Variants in LDB2 observed in about 807,000 individuals in gnomAD.
LDB2 encodes LIM domain binding 2.
LDB2 carries 12 observed loss-of-function variants against 44.3 expected under a neutral mutation model. The ratio of observed to expected loss-of-function variants is 0.27; its 90% confidence interval spans 0.17 to 0.44. LDB2 has a LOEUF of 0.44. Among genes scored for constraint, LDB2 ranks in the 20% least tolerant of loss-of-function variants. The pLI, the probability that LDB2 is intolerant of heterozygous loss-of-function variation, is 1.00. For synonymous variants in LDB2, 164 were observed against 174.8 expected, an observed-to-expected ratio of 0.94 and a Z score of 0.49; for missense variants, 344 against 473.5, an observed-to-expected ratio of 0.73 and a Z score of 2.54.
rs545266215 is a variant in LDB2, at chr4:16,767,897, A to C, written c.133-8637T>G. Among the ~76,000 whole-genome samples the C allele has an allele frequency of 2.0e-5, 3 of 152,328 alleles. No individual in the cohort carries two copies. The East Asian group carries it at 5.8e-4, about 29-fold the overall frequency. ...GATGAGACACACAGTCATGTCAAAT[A>C]GCAGAAGAGAGTCTTAATTATGTTT... On this transcript the variant is annotated intron_variant, in intron 1 of 7. Transcript: ENST00000304523.
At chr4:16,605,670 A>G (rs1723731513) in intron 2 of LDB2, among the ~76,000 whole-genome samples, 1 of 152,232 alleles carries the variant, frequency 6.6e-6, no homozygotes, top group Non-Finnish European at 1.5e-5. Flanking sequence ...TCAACAGAAT[A>G]GATGTCAAGA....
rs146183114 is a variant in LDB2 at position 16,575,642 on chromosome 4, C to T, written c.615+10280G>A. On this transcript the variant is annotated intron_variant, in intron 5 of 7. Coordinates refer to ENST00000304523, the MANE Select transcript of LDB2 (RefSeq NM_001290.5). ...CAGTGGAATAAAACTGGAAATCAAT[C>T]ACAAGAGGAATTTTGGAAACTATAC... 4.1e-3 allele frequency among the ~76,000 whole-genome samples: 623 copies of T among 152,326 alleles called. 5 individuals carry two copies. The highest frequency in any genetic ancestry group is 0.014 in the African/African-American group (597 of 41,568).
chr4:16,699,587 G>A (rs1293771963), intron 2 of LDB2, among the ~76,000 whole-genome samples: 1 of 152,146 alleles, frequency 6.6e-6, no homozygotes, highest in Non-Finnish European at 1.5e-5. Context: ...GTGAGGTGGA[G>A]AAGTATATAG....
chr4:16,777,005 C>T (rs889645483), intron 1 of LDB2, among the ~76,000 whole-genome samples: 1 of 152,192 alleles, frequency 6.6e-6, no homozygotes. Flanking sequence ...CCAAAAATGT[C>T]TCCAGACATT....
chr4:16,641,682 C>T (rs983555121), intron 2 of LDB2, among the ~76,000 whole-genome samples: 11 of 152,138 alleles, frequency 7.2e-5, no homozygotes, highest in Non-Finnish European at 1.0e-4. Context: ...ATGAGGGACC[C>T]GCCCCCAAGA....
chr4:16,580,588 C>G (rs1713989193), intron 5 of LDB2, among the ~76,000 whole-genome samples: 1 of 152,154 alleles, frequency 6.6e-6, no homozygotes, highest in Non-Finnish European at 1.5e-5. Flanking sequence ...AAGTAGATGC[C>G]ACCAAATTCT....
chr4:16,538,724 T>C (rs1159318217), intron 5 of LDB2, among the ~76,000 whole-genome samples: 1 of 152,234 alleles, frequency 6.6e-6, no homozygotes. Flanking sequence ...ACTGAGTCAA[T>C]TGATCAGTCA....
intron 1 of LDB2, among the ~76,000 whole-genome samples, chr4:16,887,878 A>G (rs1282138390): frequency 1.3e-5 from 2 of 152,200 alleles, no homozygotes; most frequent in East Asian, 3.9e-4. Flanking sequence ...TTCAATAGGA[A>G]TTCTTCAAAT....
chr4:16,642,021 T>G (rs1735314275), intron 2 of LDB2, among the ~76,000 whole-genome samples: 1 of 152,104 alleles, frequency 6.6e-6, no homozygotes, highest in Non-Finnish European at 1.5e-5. Context: ...TTATTGCCTG[T>G]CAACTAAAAA....
intron 1 of LDB2, among the ~76,000 whole-genome samples, chr4:16,875,761 G>C (rs1304729781): frequency 1.3e-5 from 2 of 152,122 alleles, no homozygotes; most frequent in East Asian, 3.9e-4. Flanking sequence ...CCGTCTCCAG[G>C]GACCACCAGC....
chr4:16,847,850 T>G (rs55902146), intron 1 of LDB2, among the ~76,000 whole-genome samples: 45,911 of 152,182 alleles, frequency 0.3, 7,836 homozygotes, highest in South Asian at 0.47. Flanking sequence ...TTTCCTGACC[T>G]CGTGATCCAC....
chr4:16,582,791 C>T lies in LDB2; in HGVS notation c.615+3131G>A, dbSNP rs1220595168. Among the ~76,000 whole-genome samples, 1 of 152,134 alleles carries T rather than the reference C, an allele frequency of 6.6e-6. No individual in the cohort carries two copies. Among genetic ancestry groups the T allele is most frequent in the Non-Finnish European group, 1.5e-5 (1 of 68,042 alleles). On this transcript the variant is annotated intron_variant, in intron 5 of 7. Coordinates refer to ENST00000304523, the MANE Select transcript of LDB2 (RefSeq NM_001290.5). The surrounding 1 kb of genome is among the most constrained non-coding windows in gnomAD (Gnocchi z 4.8). ...CAGGGCGCCATCTCTGCAGGCTCAG[C>T]GGCTTCCAGCCACAGCTCCACTGGG...
chr4:16,614,938 C>T (rs1266835794), intron 2 of LDB2, among the ~76,000 whole-genome samples: 3 of 149,688 alleles, frequency 2.0e-5, no homozygotes, highest in African/African-American at 4.9e-5. Context: ...GGCGTAGTGG[C>T]GGGCGCCTGT....
At chr4:16,544,765 T>G (rs1735097907) in intron 5 of LDB2, among the ~76,000 whole-genome samples, 1 of 152,168 alleles carries the variant, frequency 6.6e-6, no homozygotes, top group South Asian at 2.1e-4. Context: ...ATTTGACATG[T>G]CTGTTAGACT....
At chr4:16,791,570 A>AAAAAAAAAAAAAAAAAAAAAAAC (rs1157053185) in intron 1 of LDB2, among the ~76,000 whole-genome samples, 2 of 150,974 alleles carry the variant, frequency 1.3e-5, no homozygotes, top group Non-Finnish European at 3.0e-5. Flanking sequence ...AAAAAAAAAA[A>AAAAAAAAAAAAAAAAAAAAAAAC]AAGAAAGACA....
intron 1 of LDB2, among the ~76,000 whole-genome samples, chr4:16,853,119 T>C (rs1788613691): frequency 6.6e-6 from 1 of 152,220 alleles, no homozygotes; most frequent in South Asian, 2.1e-4. Context: ...GCTATTATGC[T>C]ACAAGAATTA....
intron 2 of LDB2, among the ~76,000 whole-genome samples, chr4:16,619,237 C>A (rs1728199265): frequency 6.6e-6 from 1 of 152,070 alleles, no homozygotes; most frequent in Non-Finnish European, 1.5e-5. Flanking sequence ...ACGCTGGCTG[C>A]CTTTGTCCTG....
chr4:16,538,787 A>G (rs1288290759), intron 5 of LDB2, among the ~76,000 whole-genome samples: 2 of 152,172 alleles, frequency 1.3e-5, no homozygotes, highest in African/African-American at 2.4e-5. Context: ...AGCCTCTACT[A>G]TGTGTTTGGC....
chr4:16,541,997 G>T (rs1444587130), intron 5 of LDB2, among the ~76,000 whole-genome samples: 2 of 148,590 alleles, frequency 1.3e-5, no homozygotes, highest in Non-Finnish European at 3.0e-5. Flanking sequence ...GAAATTTCTG[G>T]CAAGAACTTC....
Sources: gnomAD v4.1 joint callset for allele counts (sites outside exome capture counted in the v4.1 genomes callset) on GRCh38, gnomAD v4.1.1 for gene constraint, Gnocchi (gnomAD v3.1) non-coding constraint, MANE v1.5 for transcripts, NCBI Gene and HGNC (gene_info 2026-07-23, HGNC 2026-07-21) for gene names.